ARHGAP15: variants seen among roughly 807,000 people sequenced by gnomAD.
ARHGAP15 encodes the protein rho GTPase-activating protein 15.
Under a neutral mutation model 63.7 loss-of-function variants are expected in ARHGAP15, and 51 were observed. That is an observed-to-expected ratio of 0.80 (90% CI 0.64 to 1.01). The LOEUF (loss-of-function observed/expected upper bound fraction) is 1.01, where lower values mean the gene tolerates loss of function less well. Ranked by LOEUF, ARHGAP15 falls within the 50% of genes least tolerant of loss-of-function variation. The pLI, the probability that ARHGAP15 is intolerant of heterozygous loss-of-function variation, is 0.00. For missense variants in ARHGAP15, 560 were observed against 564.6 expected, an observed-to-expected ratio of 0.99 and a Z score of 0.08; for synonymous variants, 191 against 193.8, an observed-to-expected ratio of 0.99 and a Z score of 0.12.
intron 2 of ARHGAP15, among the ~76,000 whole-genome samples, chr2:143,180,683 T>A (rs1036535207): frequency 9.7e-4 from 148 of 152,338 alleles, no homozygotes; most frequent in African/African-American, 3.4e-3. Context: ...TTTTATTATT[T>A]TTTTGAGACG....
chr2:143,594,228 A>C (rs1697425884), intron 11 of ARHGAP15, among the ~76,000 whole-genome samples: 2 of 152,214 alleles, frequency 1.3e-5, no homozygotes, highest in South Asian at 4.1e-4. Flanking sequence ...CTGTAAAATA[A>C]ATGTCTGGGA....
At chr2:143,346,487 T>C (rs1461935155) in intron 6 of ARHGAP15, among the ~76,000 whole-genome samples, 1 of 152,130 alleles carries the variant, frequency 6.6e-6, no homozygotes, top group Non-Finnish European at 1.5e-5. Flanking sequence ...TATGTCCAAA[T>C]TGACAGTAGT....
chr2:143,238,603 A>G (rs1428897565), intron 5 of ARHGAP15, among the ~76,000 whole-genome samples: 9 of 152,170 alleles, frequency 5.9e-5, no homozygotes, highest in Admixed American at 5.9e-4. Context: ...TGGGAGTGTA[A>G]ATTAGTCTGA....
At chr2:143,536,617 T>G (rs1365154780) in intron 10 of ARHGAP15, among the ~76,000 whole-genome samples, 1 of 150,136 alleles carries the variant, frequency 6.7e-6, no homozygotes, top group Non-Finnish European at 1.5e-5. Context: ...AACGAGAACA[T>G]GCGGTGTTTG....
chr2:143,568,266 A>G (rs1451619064), intron 11 of ARHGAP15, among the ~76,000 whole-genome samples: 3 of 152,166 alleles, frequency 2.0e-5, no homozygotes, highest in African/African-American at 7.2e-5. Context: ...TTTGCAATCT[A>G]CCCATCTGAC....
At chr2:143,424,250 A>C in intron 6 of ARHGAP15, among the ~76,000 whole-genome samples, 1 of 152,148 alleles carries the variant, frequency 6.6e-6, no homozygotes, top group Admixed American at 6.6e-5. Flanking sequence ...TTAGGAGTTT[A>C]CTGATGAGTG....
intron 12 of ARHGAP15, among the ~76,000 whole-genome samples, chr2:143,647,994 T>C (rs535506485): frequency 6.6e-6 from 1 of 152,130 alleles, no homozygotes; most frequent in South Asian, 2.1e-4. Flanking sequence ...GGGCTGAGTA[T>C]TAATCCTCGG....
intron 6 of ARHGAP15, among the ~76,000 whole-genome samples, chr2:143,266,428 T>C (rs1348092404): frequency 3.3e-5 from 5 of 152,158 alleles, no homozygotes; most frequent in Non-Finnish European, 2.9e-5. Flanking sequence ...TACTTTCTAT[T>C]GGTGAATACT....
At chr2:143,523,407 A>G (rs951699745) in intron 10 of ARHGAP15, among the ~76,000 whole-genome samples, 11 of 152,278 alleles carry the variant, frequency 7.2e-5, no homozygotes, top group African/African-American at 2.6e-4. Context: ...TTTTATCTTC[A>G]TTATAAGACC....
intron 12 of ARHGAP15, chr2:143,656,046 G>A (rs1369023916): frequency 1.3e-5 from 2 of 152,130 alleles, no homozygotes; most frequent in South Asian, 4.1e-4. Flanking sequence ...ATTTCTGGAT[G>A]GCAGTTGCTT....
intron 6 of ARHGAP15, among the ~76,000 whole-genome samples, chr2:143,278,872 T>TG: frequency 6.6e-6 from 1 of 150,652 alleles, no homozygotes; most frequent in East Asian, 1.9e-4. Flanking sequence ...TTCTTTCTTT[T>TG]TTTTTTTTTT....
intron 8 of ARHGAP15, among the ~76,000 whole-genome samples, chr2:143,478,848 C>T (rs1251338214): frequency 6.6e-6 from 1 of 152,176 alleles, no homozygotes; most frequent in African/African-American, 2.4e-5. Flanking sequence ...AGACATTTCT[C>T]AAACTATCTG....
chr2:143,460,624 C>A (rs549628108), intron 8 of ARHGAP15, among the ~76,000 whole-genome samples: 1 of 152,202 alleles, frequency 6.6e-6, no homozygotes, highest in South Asian at 2.1e-4. Context: ...TTAGGGTTAT[C>A]ATTCTTTTTA....
At chr2:143,712,121 C>A (rs912511526) in intron 13 of ARHGAP15, among the ~76,000 whole-genome samples, 11 of 152,180 alleles carry the variant, frequency 7.2e-5, no homozygotes, top group African/African-American at 2.6e-4. Flanking sequence ...AGCTAGAGAT[C>A]CCCAGCTAAG....
At chr2:143,468,661 A>AGTGTGT (rs72252562) in intron 8 of ARHGAP15, among the ~76,000 whole-genome samples, 1,523 of 133,798 alleles carry the variant, frequency 0.011, 18 homozygotes, top group African/African-American at 0.033. Flanking sequence ...AGAGAGAGAG[A>AGTGTGT]GAGTGTGTGT....
intron 13 of ARHGAP15, among the ~76,000 whole-genome samples, chr2:143,755,806 A>G (rs1686554733): frequency 1.3e-5 from 2 of 152,092 alleles, no homozygotes; most frequent in Admixed American, 1.3e-4. Context: ...CCCTGTCTAA[A>G]AATACAAAAA....
At chr2:143,643,431 C>A (rs1353105086) in intron 12 of ARHGAP15, among the ~76,000 whole-genome samples, 8 of 145,878 alleles carry the variant, frequency 5.5e-5, no homozygotes, top group Admixed American at 1.4e-4. Context: ...CCACCCACCC[C>A]CCCCCACCAA....
chr2:143,467,331 T>C (rs1691277471), intron 8 of ARHGAP15, among the ~76,000 whole-genome samples: 1 of 146,142 alleles, frequency 6.8e-6, no homozygotes, highest in Non-Finnish European at 1.5e-5. Flanking sequence ...ATTTACCTTG[T>C]CTGAAAAAAA....
chr2:143,767,974 T>A lies in ARHGAP15; in HGVS notation c.1245-15T>A. 6.2e-7 allele frequency: 1 copy of A among 1,600,756 alleles called. No homozygotes were observed. The highest frequency in any genetic ancestry group is 8.5e-7 in the Non-Finnish European group (1 of 1,174,054). On this transcript the variant is annotated splice_polypyrimidine_tract_variant and intron_variant, in intron 13 of 13. Coordinates refer to ENST00000295095, the MANE Select transcript of ARHGAP15 (RefSeq NM_018460.4). ...AAACTCCAGTGAAATTATTTTTTTT[T>A]CTCTCTCTCCACAGGATAGTGGCCA... is the stretch of plus-strand genomic sequence containing the variant.
Sources: gnomAD v4.1 joint callset for allele counts (sites outside exome capture counted in the v4.1 genomes callset) on GRCh38, gnomAD v4.1.1 for gene constraint, MANE v1.5 for transcripts, NCBI Gene and HGNC (gene_info 2026-07-23, HGNC 2026-07-21) for gene names.